The following CRIM1 variants were observed in gnomAD, a reference collection of about 807,000 sequenced individuals.
CRIM1 encodes the protein cysteine-rich motor neuron 1 protein.
CRIM1 carries 32 observed loss-of-function variants against 116.4 expected under a neutral mutation model. The observed-to-expected ratio is 0.27, with a 90% CI of 0.21 to 0.37. The LOEUF (loss-of-function observed/expected upper bound fraction) is 0.37, where lower values mean the gene tolerates loss of function less well. Among genes scored for constraint, CRIM1 ranks in the 10% least tolerant of loss-of-function variants. The pLI, the probability that CRIM1 is intolerant of heterozygous loss-of-function variation, is 1.00. For missense variants in CRIM1, 1,331 were observed against 1,354.8 expected (o/e 0.98, Z 0.28); for synonymous variants, 590 against 509.2 (o/e 1.16, Z -2.13).
At chr2:36,538,542 ATGCAGTTGTAAGATAG>A (rs1666717944) in intron 14 of CRIM1, among the ~76,000 whole-genome samples, 1 of 152,234 alleles carries the variant, frequency 6.6e-6, no homozygotes, top group Non-Finnish European at 1.5e-5. Context: ...CATCTGTACT[ATGCAGTTGTAAGATAG>A]GGCAGTTGTT....
intron 4 of CRIM1, among the ~76,000 whole-genome samples, chr2:36,461,555 A>G (rs945992347): frequency 2.0e-5 from 3 of 152,236 alleles, no homozygotes; most frequent in African/African-American, 7.2e-5. Flanking sequence ...TCACTTGACT[A>G]AGCTGTGTAA....
intron 5 of CRIM1, among the ~76,000 whole-genome samples, chr2:36,475,839 T>A (rs1033178993): frequency 2.6e-5 from 4 of 152,240 alleles, no homozygotes; most frequent in African/African-American, 9.6e-5. Flanking sequence ...CGAATGATCA[T>A]GTTGCTTTTT....
At chr2:36,474,561 A>C (rs1678806474) in intron 5 of CRIM1, among the ~76,000 whole-genome samples, 2 of 152,144 alleles carry the variant, frequency 1.3e-5, no homozygotes, top group South Asian at 4.1e-4. Context: ...AATGCAAAAG[A>C]CTTTCAACCT....
intron 7 of CRIM1, among the ~76,000 whole-genome samples, chr2:36,494,582 G>A (rs538208883): frequency 6.6e-6 from 1 of 152,150 alleles, no homozygotes; most frequent in East Asian, 1.9e-4. Context: ...CTTCTGGACA[G>A]TGTAAGGTGC....
intron 7 of CRIM1, among the ~76,000 whole-genome samples, chr2:36,481,567 A>G (rs1350594730): frequency 6.6e-6 from 1 of 152,244 alleles, no homozygotes; most frequent in Non-Finnish European, 1.5e-5. Flanking sequence ...GAATTAAACC[A>G]GAAGAAAGGG....
intron 7 of CRIM1, among the ~76,000 whole-genome samples, chr2:36,484,186 C>G (rs1055713586): frequency 6.6e-6 from 1 of 152,196 alleles, no homozygotes; most frequent in Non-Finnish European, 1.5e-5. Context: ...TGGGGCTTCC[C>G]AGACCCTCTA....
chr2:36,373,832 G>A (rs565766110), intron 1 of CRIM1, among the ~76,000 whole-genome samples: 72 of 152,262 alleles, frequency 4.7e-4, no homozygotes, highest in African/African-American at 1.7e-3. Context: ...GGTCATGTGC[G>A]TGTCCTGGTA....
intron 2 of CRIM1, among the ~76,000 whole-genome samples, chr2:36,416,358 G>A (rs1243306727): frequency 1.3e-5 from 2 of 152,098 alleles, no homozygotes; most frequent in Non-Finnish European, 2.9e-5. Flanking sequence ...AAAAGAATGG[G>A]AACTTTATTG....
intron 2 of CRIM1, among the ~76,000 whole-genome samples, chr2:36,417,776 C>G (rs1422672631): frequency 6.6e-6 from 1 of 152,152 alleles, no homozygotes; most frequent in African/African-American, 2.4e-5. Flanking sequence ...GCATGAACAC[C>G]ACTCACTAGA....
At chr2:36,428,783 C>T (rs1396051788) in intron 2 of CRIM1, among the ~76,000 whole-genome samples, 1 of 152,202 alleles carries the variant, frequency 6.6e-6, no homozygotes, top group Non-Finnish European at 1.5e-5. Flanking sequence ...AAAATACTTC[C>T]ATTATTCTTA....
At position 36,517,424 on chromosome 2, in the gene CRIM1, C is replaced by T. The variant is rs777641639; in HGVS notation, c.2088C>T (p.Asp696=). 2.5e-6 allele frequency: 4 copies of T among 1,614,086 alleles called. No homozygotes were observed. Among genetic ancestry groups the T allele is most frequent in the Non-Finnish European group, 3.4e-6 (4 of 1,180,034 alleles). ...TGGAAGGAGAAACGTGGAACATTGACTCCTGTACTCAGTGCACCTGCCACA... is the reference window on the plus strand; with the variant it reads ...TGGAAGGAGAAACGTGGAACATTGATTCCTGTACTCAGTGCACCTGCCACA... The part of the protein sequence containing the change: ...YFVEGETWNI[D]SCTQCTCHSG... The change falls in exon 12 of 17, where the codon GAC becomes GAT. Residue 696 remains aspartate (D), a synonymous_variant. Coordinates refer to ENST00000280527, the MANE Select transcript of CRIM1 (RefSeq NM_016441.3).
intron 11 of CRIM1, among the ~76,000 whole-genome samples, chr2:36,515,410 T>G (rs1034043352): frequency 6.6e-6 from 1 of 152,244 alleles, no homozygotes; most frequent in Non-Finnish European, 1.5e-5. Flanking sequence ...AAAACACATT[T>G]CTGTAGATGG....
intron 5 of CRIM1, among the ~76,000 whole-genome samples, chr2:36,476,414 A>G (rs988416437): frequency 6.6e-6 from 1 of 152,200 alleles, no homozygotes; most frequent in East Asian, 1.9e-4. Context: ...TGTTTATACC[A>G]TGTACAGAGA....
At chr2:36,421,071 TAC>T (rs1410738097) in intron 2 of CRIM1, among the ~76,000 whole-genome samples, 2 of 152,228 alleles carry the variant, frequency 1.3e-5, no homozygotes, top group African/African-American at 4.8e-5. Flanking sequence ...AGTGTTTTCA[TAC>T]AGTCTTTTGA....
chr2:36,550,624 AAAAG>A lies in CRIM1; in HGVS notation c.*1927_*1930del, dbSNP rs1667704106. ...TTTTTGTCTTAGAATATCAAAAAGA[AAAAG>A]AAAAAGGTGTTCTAGCTGTTTGCAT... On this transcript the variant is annotated 3_prime_UTR_variant, in exon 17 of 17. Transcript: ENST00000280527. 6.6e-6 allele frequency: 1 copy of A among 152,540 alleles called. No homozygotes were observed. Among genetic ancestry groups the A allele is most frequent in the Non-Finnish European group, 1.5e-5 (1 of 68,016 alleles). 9.4% of individuals were successfully genotyped at this position (152,540 alleles called of 1,614,324 possible).
chr2:36,410,855 A>G (rs1302010948), intron 2 of CRIM1, among the ~76,000 whole-genome samples: 2 of 152,172 alleles, frequency 1.3e-5, no homozygotes, highest in Non-Finnish European at 2.9e-5. Flanking sequence ...GGCAGGGTGC[A>G]TTAACGTGGC....
intron 5 of CRIM1, among the ~76,000 whole-genome samples, chr2:36,474,847 C>CAAAAAGAAAAAAAA (rs71396492): frequency 1.1e-5 from 1 of 90,764 alleles, no homozygotes; most frequent in African/African-American, 4.4e-5. Context: ...GACTCTATAT[C>CAAAAAGAAAAAAAA]AAAAAAAAAA....
At chr2:36,520,300 T>G (rs1398521129) in intron 12 of CRIM1, among the ~76,000 whole-genome samples, 1 of 152,230 alleles carries the variant, frequency 6.6e-6, no homozygotes, top group East Asian at 1.9e-4. Context: ...TCTTTTCAGT[T>G]TTTAGACAGA....
chr2:36,533,874 C>G (rs902601849), intron 13 of CRIM1, among the ~76,000 whole-genome samples: 3 of 149,994 alleles, frequency 2.0e-5, no homozygotes, highest in African/African-American at 7.3e-5. Flanking sequence ...CACGCTCAGT[C>G]TAAGTTCTTC....
Sources: allele counts gnomAD v4.1 joint callset (sites outside exome capture counted in the v4.1 genomes callset), GRCh38; gene constraint gnomAD v4.1.1; transcripts MANE v1.5; gene names NCBI Gene and HGNC (gene_info 2026-07-23, HGNC 2026-07-21).